The following SUMF1 variants were observed in gnomAD, a reference collection of about 807,000 sequenced individuals.
The protein encoded by SUMF1 is formylglycine-generating enzyme.
In SUMF1, 48 loss-of-function variants were observed where a neutral mutation model predicts 47.6. The ratio of observed to expected loss-of-function variants is 1.01; its 90% confidence interval spans 0.80 to 1.28. The LOEUF (loss-of-function observed/expected upper bound fraction) is 1.28. Among genes scored for constraint, SUMF1 ranks in the 50% most tolerant of loss-of-function variants. The pLI is 0.00. For synonymous variants in SUMF1, 230 were observed against 192.1 expected, an observed-to-expected ratio of 1.20 and a Z score of -1.63; for missense variants, 571 against 485.4, an observed-to-expected ratio of 1.18 and a Z score of -1.66.
chr3:4,173,545 T>C (rs1401591651), intron 8 of SUMF1, among the ~76,000 whole-genome samples: 1 of 152,134 alleles, frequency 6.6e-6, no homozygotes, highest in South Asian at 2.1e-4. Flanking sequence ...ACCCAAAGGG[T>C]TATAAATCAT....
chr3:4,205,622 C>T (rs1464445554), intron 8 of SUMF1, among the ~76,000 whole-genome samples: 1 of 152,198 alleles, frequency 6.6e-6, no homozygotes, highest in Non-Finnish European at 1.5e-5. Context: ...TTGATGACTG[C>T]AGCCATTATC....
At chr3:4,078,960 A>G (rs1445726866) in intron 8 of SUMF1, among the ~76,000 whole-genome samples, 1 of 152,052 alleles carries the variant, frequency 6.6e-6, no homozygotes, top group Non-Finnish European at 1.5e-5. Context: ...GGTGTCCATC[A>G]CAGACTTGGC....
chr3:4,039,208 A>ATTTTTTTTT (rs1213784165), intron 9 of SUMF1, among the ~76,000 whole-genome samples: 1,559 of 45,262 alleles, frequency 0.034, 111 homozygotes, highest in Non-Finnish European at 0.043. Context: ...CATCTATGCA[A>ATTTTTTTTT]ATTTTTTTTT....
At chr3:4,037,484 G>A (rs1051588776) in intron 9 of SUMF1, among the ~76,000 whole-genome samples, 1 of 152,182 alleles carries the variant, frequency 6.6e-6, no homozygotes. Context: ...ATGGTAGAGG[G>A]AGGAATAGTG....
chr3:4,114,846 C>T (rs1186960486), intron 8 of SUMF1, among the ~76,000 whole-genome samples: 6 of 152,134 alleles, frequency 3.9e-5, no homozygotes, highest in Admixed American at 6.5e-5. Context: ...AAAATATTTT[C>T]AACTTATTTA....
intron 8 of SUMF1, among the ~76,000 whole-genome samples, chr3:4,315,282 TAACTG>T (rs199941708): frequency 0.011 from 1,737 of 152,306 alleles, 39 homozygotes; most frequent in African/African-American, 0.04. Flanking sequence ...GCTCACCTAA[TAACTG>T]AGCTGCTTCA....
At chr3:4,434,546 G>T (rs113463073) in intron 3 of SUMF1, among the ~76,000 whole-genome samples, 2 of 152,164 alleles carry the variant, frequency 1.3e-5, no homozygotes, top group Admixed American at 1.3e-4. Flanking sequence ...GAAGAAACTA[G>T]AACAATGTCA....
At chr3:4,077,658 G>A (rs183227547) in intron 8 of SUMF1, among the ~76,000 whole-genome samples, 7 of 152,158 alleles carry the variant, frequency 4.6e-5, no homozygotes, top group Admixed American at 3.9e-4. Flanking sequence ...GCCTGTCATC[G>A]GGTTGGGGGC....
In SUMF1 at chr3:4,105,108, GA is replaced by G. The variant is rs1693128310; in HGVS notation, c.1015-36364del. Among the ~76,000 whole-genome samples, 4 of 152,136 alleles carry G rather than the reference GA, an allele frequency of 2.6e-5. No individual in the cohort carries two copies. In the South Asian group the frequency reaches 8.3e-4, roughly 32 times the overall value. ...CAACATGGATGAACCTGGAGGACAT[GA>G]TAAGTGAAATAAGCCAAGGACAGAA... On this transcript the variant is annotated intron_variant and NMD_transcript_variant, in intron 8 of 12. Coordinates refer to the SUMF1 transcript ENST00000448413.
intron 9 of SUMF1, among the ~76,000 whole-genome samples, chr3:4,057,073 G>A (rs893309364): frequency 6.6e-6 from 1 of 152,122 alleles, no homozygotes; most frequent in Non-Finnish European, 1.5e-5. Context: ...CAACAAGCAT[G>A]AATAACTTCT....
intron 8 of SUMF1, among the ~76,000 whole-genome samples, chr3:4,364,321 G>C (rs201959848): frequency 0.19 from 13,247 of 68,682 alleles, 3,907 homozygotes; most frequent in African/African-American, 0.54. Flanking sequence ...CCTTGTACCT[G>C]TGGTAGAATT....
At position 4,370,361 on chromosome 3, in the gene SUMF1, C is replaced by A. The variant is rs1348423619; in HGVS notation, c.1014+5969G>T. On this transcript the variant is annotated intron_variant, in intron 8 of 8. Coordinates refer to ENST00000272902, the MANE Select transcript of SUMF1 (RefSeq NM_182760.4). ...CAACTGCAGGAAGATGGTAATAGCCCTGCCAGCATCTGAATGTGGATATAC... is the reference window on the plus strand; with the variant it reads ...CAACTGCAGGAAGATGGTAATAGCCATGCCAGCATCTGAATGTGGATATAC... Among the ~76,000 whole-genome samples, 3 of 152,296 alleles carry A rather than the reference C, an allele frequency of 2.0e-5. No homozygotes were observed. In the East Asian group the frequency reaches 5.8e-4, roughly 29 times the overall value.
intron 8 of SUMF1, among the ~76,000 whole-genome samples, chr3:4,305,139 G>C (rs1226255045): frequency 6.6e-6 from 1 of 152,114 alleles, no homozygotes; most frequent in Non-Finnish European, 1.5e-5. Flanking sequence ...CCAGGCTAGA[G>C]TGTGGTGGTG....
intron 3 of SUMF1, among the ~76,000 whole-genome samples, chr3:4,437,887 T>G (rs1447314674): frequency 1.3e-5 from 2 of 151,978 alleles, no homozygotes; most frequent in African/African-American, 4.8e-5. Flanking sequence ...TGCAGTGAGC[T>G]GAGATCGTGC....
At chr3:4,434,751 A>T (rs1702342556) in intron 3 of SUMF1, among the ~76,000 whole-genome samples, 1 of 152,194 alleles carries the variant, frequency 6.6e-6, no homozygotes, top group Admixed American at 6.5e-5. Context: ...TTGCAGAATG[A>T]TCACGAGCTT....
intron 8 of SUMF1, among the ~76,000 whole-genome samples, chr3:4,108,590 T>C (rs1357413320): frequency 6.6e-6 from 1 of 152,120 alleles, no homozygotes; most frequent in Non-Finnish European, 1.5e-5. Flanking sequence ...GGACTTGCTA[T>C]ATGAATCTGG....
intron 8 of SUMF1, among the ~76,000 whole-genome samples, chr3:4,350,656 A>C (rs557722693): frequency 2.6e-5 from 4 of 152,284 alleles, no homozygotes; most frequent in Non-Finnish European, 5.9e-5. Flanking sequence ...TAAAAATGAG[A>C]TAATTCTTAA....
At chr3:4,217,514 T>TTA (rs370463309) in intron 8 of SUMF1, among the ~76,000 whole-genome samples, 3,063 of 45,214 alleles carry the variant, frequency 0.068, 674 homozygotes, top group East Asian at 0.28. Flanking sequence ...AAAGTATTTT[T>TTA]TATATATATA....
intron 8 of SUMF1, among the ~76,000 whole-genome samples, chr3:4,082,593 A>G (rs79462021): frequency 0.016 from 2,375 of 152,264 alleles, 82 homozygotes; most frequent in African/African-American, 0.055. Context: ...TGAGACAAGG[A>G]TTGCTGATGT....
Sources: gnomAD v4.1 joint callset for allele counts (sites outside exome capture counted in the v4.1 genomes callset) on GRCh38, gnomAD v4.1.1 for gene constraint, MANE v1.5 for transcripts, NCBI Gene and HGNC (gene_info 2026-07-23, HGNC 2026-07-21) for gene names.